Variants in C10orf90 observed in about 807,000 individuals in gnomAD.
The protein encoded by C10orf90 is chromosome 10 open reading frame 90, also known as (E2-independent) E3 ubiquitin-conjugating enzyme FATS.
Under a neutral mutation model 62.5 loss-of-function variants are expected in C10orf90, and 56 were observed. The observed-to-expected ratio is 0.90, with a 90% CI of 0.72 to 1.12. The LOEUF (loss-of-function observed/expected upper bound fraction) is 1.12, where lower values mean the gene tolerates loss of function less well. Among genes scored for constraint, C10orf90 ranks in the 50% most tolerant of loss-of-function variants. C10orf90 has a pLI of 0.00. For synonymous variants in C10orf90, 386 were observed against 340.4 expected, an observed-to-expected ratio of 1.13 and a Z score of -1.47; for missense variants, 970 against 880.4, an observed-to-expected ratio of 1.10 and a Z score of -1.29.
chr10:126,527,520 G>A (rs1462092178), intron 2 of C10orf90, among the ~76,000 whole-genome samples: 1 of 152,200 alleles, frequency 6.6e-6, no homozygotes, highest in African/African-American at 2.4e-5. Flanking sequence ...GCAGCATCTC[G>A]TATCTCTGCA....
At chr10:126,621,137 GTA>G (rs1428715712) in intron 2 of C10orf90, among the ~76,000 whole-genome samples, 2 of 152,158 alleles carry the variant, frequency 1.3e-5, no homozygotes, top group Non-Finnish European at 2.9e-5. Context: ...ACATCTTCAA[GTA>G]TATAGTTGTT....
rs543567621 is a variant in C10orf90 at position 126,593,944 on chromosome 10, A to G, written c.313+52621T>C. ...GGGGCAGGAAAGACTGAAGATGGCC[A>G]CATGGTAAAGGAGCCTCCACAAGGG... On this transcript the variant is annotated intron_variant, in intron 2 of 9. Transcript: ENST00000488181. Among the ~76,000 whole-genome samples the G allele has an allele frequency of 5.9e-5, 9 of 152,084 alleles. No individual in the cohort carries two copies. In the East Asian group the frequency reaches 1.6e-3, roughly 26 times the overall value.
intron 1 of C10orf90, among the ~76,000 whole-genome samples, chr10:126,650,238 G>A (rs772916932): frequency 4.6e-5 from 7 of 152,152 alleles, no homozygotes; most frequent in African/African-American, 7.2e-5. Flanking sequence ...CCTAACTCAG[G>A]CCTTTCAAGA....
intron 7 of C10orf90, among the ~76,000 whole-genome samples, chr10:126,454,738 G>A (rs1228225948): frequency 2.0e-5 from 3 of 152,110 alleles, no homozygotes; most frequent in Non-Finnish European, 2.9e-5. Flanking sequence ...CTGTAAGGCA[G>A]AGCAATGACA....
In C10orf90 at chr10:126,669,820, C is replaced by T. The variant is rs534338430; in HGVS notation, c.240+421G>A. Among the ~76,000 whole-genome samples the T allele has an allele frequency of 3.3e-4, 50 of 151,912 alleles. 1 individual carries two copies. The highest frequency in any genetic ancestry group is 9.2e-4 in the African/African-American group (38 of 41,446). On this transcript the variant is annotated intron_variant, in intron 1 of 9. Transcript: ENST00000488181. Reference sequence around the variant, plus strand: ...ATTCTATTTTAACTCGATGAAGGCACGTCATACATATTCTCCTACAAAACG... The same window carrying T: ...ATTCTATTTTAACTCGATGAAGGCATGTCATACATATTCTCCTACAAAACG...
At chr10:126,544,862 G>A (rs1864455262) in intron 2 of C10orf90, among the ~76,000 whole-genome samples, 1 of 151,884 alleles carries the variant, frequency 6.6e-6, no homozygotes, top group South Asian at 2.1e-4. Flanking sequence ...GACTTTGATT[G>A]CCTGATGATT....
chr10:126,538,254 T>C (rs975715861), intron 2 of C10orf90, among the ~76,000 whole-genome samples: 1 of 152,260 alleles, frequency 6.6e-6, no homozygotes, highest in African/African-American at 2.4e-5. Flanking sequence ...GAGAACAGCA[T>C]GGGAAAGACC....
At chr10:126,634,400 T>C (rs1473533948) in intron 2 of C10orf90, among the ~76,000 whole-genome samples, 2 of 152,182 alleles carry the variant, frequency 1.3e-5, no homozygotes, top group African/African-American at 4.8e-5. Context: ...TCCACTGATA[T>C]GAGGTATCTA....
Position 126,456,383 on chromosome 10 carries a change from A to G in C10orf90, c.2188+2657T>C, listed in dbSNP as rs1420123455. Among the ~76,000 whole-genome samples, 1 of 152,190 alleles carries G rather than the reference A, an allele frequency of 6.6e-6. No individual in the cohort carries two copies. Among genetic ancestry groups the G allele is most frequent in the Non-Finnish European group, 1.5e-5 (1 of 68,050 alleles). ...CCCACGTTGGCCAAGTCCCACTTTGAGAGCATGCTGCTTGCCAGGACTGTC... is the reference window on the plus strand; with the variant it reads ...CCCACGTTGGCCAAGTCCCACTTTGGGAGCATGCTGCTTGCCAGGACTGTC... On this transcript the variant is annotated intron_variant, in intron 7 of 9. Coordinates refer to ENST00000488181, the MANE Select transcript of C10orf90 (RefSeq NM_001350921.2). This position sits in a 1 kb window ranked among gnomAD's most constrained non-coding sequence, Gnocchi z 4.9.
intron 2 of C10orf90, among the ~76,000 whole-genome samples, chr10:126,637,615 C>G (rs1290250561): frequency 6.6e-6 from 1 of 152,306 alleles, no homozygotes. Context: ...AGAGGACATG[C>G]AGGTAAGGGG....
intron 4 of C10orf90, among the ~76,000 whole-genome samples, chr10:126,486,728 G>T (rs557743028): frequency 1.3e-5 from 2 of 152,214 alleles, no homozygotes; most frequent in African/African-American, 4.8e-5. Flanking sequence ...TTAGATACAA[G>T]TGAAACTAGA....
chr10:126,598,607 G>A (rs989262270), intron 2 of C10orf90, among the ~76,000 whole-genome samples: 6 of 152,106 alleles, frequency 3.9e-5, no homozygotes, highest in African/African-American at 1.4e-4. Flanking sequence ...TCCTCTATCA[G>A]ATCTGTAATT....
intron 2 of C10orf90, among the ~76,000 whole-genome samples, chr10:126,575,564 T>C (rs1182197395): frequency 6.7e-6 from 1 of 150,058 alleles, no homozygotes; most frequent in Non-Finnish European, 1.5e-5. Flanking sequence ...TCACAGAAAT[T>C]GAAAAAAAAA....
At chr10:126,560,806 G>A (rs1864883324) in intron 2 of C10orf90, among the ~76,000 whole-genome samples, 1 of 152,162 alleles carries the variant, frequency 6.6e-6, no homozygotes, top group African/African-American at 2.4e-5. Context: ...CAATGGGCGT[G>A]GATGCATTCC....
At chr10:126,528,523 T>G (rs970614744) in intron 2 of C10orf90, among the ~76,000 whole-genome samples, 8 of 152,176 alleles carry the variant, frequency 5.3e-5, no homozygotes, top group African/African-American at 9.7e-5. Flanking sequence ...GAAACTCATT[T>G]GAGTAAATGA....
intron 2 of C10orf90, among the ~76,000 whole-genome samples, chr10:126,546,608 G>T (rs1314586172): frequency 1.3e-5 from 2 of 152,216 alleles, no homozygotes; most frequent in African/African-American, 4.8e-5. Flanking sequence ...GTCAGTGGAG[G>T]CTGAGTGGGG....
intron 2 of C10orf90, among the ~76,000 whole-genome samples, chr10:126,577,869 C>T (rs545559337): frequency 1.4e-4 from 22 of 151,884 alleles, no homozygotes; most frequent in Admixed American, 1.1e-3. Context: ...AATGCAATAC[C>T]GTAATGTAAT....
chr10:126,548,717 C>G (rs1048901610), intron 2 of C10orf90, among the ~76,000 whole-genome samples: 2 of 151,000 alleles, frequency 1.3e-5, no homozygotes, highest in Admixed American at 6.6e-5. Flanking sequence ...AGAAAACATT[C>G]TACGGGATTG....
chr10:126,497,242 G>A (rs113669696), intron 4 of C10orf90, among the ~76,000 whole-genome samples: 3 of 152,286 alleles, frequency 2.0e-5, no homozygotes, highest in Middle Eastern at 3.4e-3. Flanking sequence ...GAATTGCAGT[G>A]GGCACCTGCT....
Sources: gnomAD v4.1 joint callset for allele counts (sites outside exome capture counted in the v4.1 genomes callset) on GRCh38, gnomAD v4.1.1 for gene constraint, Gnocchi (gnomAD v3.1) non-coding constraint, MANE v1.5 for transcripts, NCBI Gene and HGNC (gene_info 2026-07-23, HGNC 2026-07-21) for gene names.